Variants in VPS33A observed in about 807,000 individuals in gnomAD.
VPS33A encodes the protein vacuolar protein sorting-associated protein 33A.
In VPS33A, 32 loss-of-function variants were observed where a neutral mutation model predicts 71.8. The ratio of observed to expected loss-of-function variants is 0.45; its 90% CI spans 0.34 to 0.60. VPS33A has a LOEUF of 0.60. Ranked by LOEUF, VPS33A falls within the 20% of genes least tolerant of loss-of-function variation. VPS33A has a pLI of 0.02. For missense variants in VPS33A, 625 were observed against 748.5 expected (o/e 0.84, Z 1.92); for synonymous variants, 311 against 292.7 (o/e 1.06, Z -0.64).
intron 4 of VPS33A, among the ~76,000 whole-genome samples, chr12:122,260,805 T>C (rs1304210598): frequency 1.3e-5 from 2 of 151,810 alleles, no homozygotes; most frequent in East Asian, 3.9e-4. Flanking sequence ...TGAAACCTTG[T>C]CTCTACTAAA....
intron 9 of VPS33A, 59 bp from the exon 10 acceptor site, chr12:122,238,783 ACACAC>A: frequency 8.1e-7 from 1 of 1,241,966 alleles, no homozygotes; most frequent in Non-Finnish European, 1.1e-6. Flanking sequence ...ACACACACAC[ACACAC>A]ACACACACAC....
chr12:122,250,598 A>G (rs1421501400), intron 5 of VPS33A, among the ~76,000 whole-genome samples: 2 of 152,160 alleles, frequency 1.3e-5, no homozygotes, highest in Non-Finnish European at 2.9e-5. Context: ...ACCCGACTGC[A>G]CCTCAGTCCT....
intron 3 of VPS33A, among the ~76,000 whole-genome samples, chr12:122,262,351 G>A (rs1592933261): frequency 2.0e-5 from 3 of 152,198 alleles, no homozygotes; most frequent in Admixed American, 6.5e-5. Context: ...CAGGTTGATT[G>A]AAATAGGATA....
intron 6 of VPS33A, chr12:122,249,454 A>G (rs1443878721): frequency 6.5e-6 from 1 of 153,408 alleles, no homozygotes; most frequent in African/African-American, 2.4e-5. Context: ...TGAACACCTG[A>G]CCTCAAGTGA....
At chr12:122,239,781 G>GAAAAAAAAAAAAAAA (rs1954688931) in intron 9 of VPS33A, 97 bp downstream of exon 9, 2 of 379,932 alleles carry the variant, frequency 5.3e-6, no homozygotes, top group Non-Finnish European at 8.7e-6. Flanking sequence ...AAAAAAAAAG[G>GAAAAAAAAAAAAAAA]CAAGGCATGG....
chr12:122,238,974 A>C lies in VPS33A; in HGVS notation c.1165-250T>G, dbSNP rs117001326. Among the ~76,000 whole-genome samples, 6,572 of 138,544 alleles carry C rather than the reference A, an allele frequency of 0.047. 192 individuals are homozygous for C. Among genetic ancestry groups the C allele is most frequent in the Middle Eastern group, 0.13 (33 of 262 alleles). 90.9% of individuals were successfully genotyped at this position (138,544 alleles called of 152,430 possible). A position where few individuals can be genotyped will look rare whatever the true frequency, so the allele number is the denominator to read the frequency against. On this transcript the variant is annotated intron_variant, in intron 9 of 12. Coordinates refer to ENST00000267199, the MANE Select transcript of VPS33A (RefSeq NM_022916.6). ...CCCTGGCCACCACACACACACACAC[A>C]CCCCACACACACATACATACATACA...
At chr12:122,239,749 CAAAAAAAAAAA>C (rs5801475) in intron 9 of VPS33A, 118 bp downstream of exon 9, 91 of 197,782 alleles carry the variant, frequency 4.6e-4, no homozygotes, top group East Asian at 3.6e-3. Flanking sequence ...GACTCCGTCT[CAAAAAAAAAAA>C]AAAAAAAAAA....
intron 6 of VPS33A, 22 bp from the exon 7 acceptor site, chr12:122,244,784 T>C (rs377467685): frequency 2.8e-5 from 44 of 1,595,704 alleles, no homozygotes; most frequent in Admixed American, 1.2e-4. Flanking sequence ...TGGAAGGGAA[T>C]AAGCACCTGT....
At chr12:122,260,780 G>A (rs1463266009) in intron 4 of VPS33A, among the ~76,000 whole-genome samples, 4 of 152,112 alleles carry the variant, frequency 2.6e-5, no homozygotes, top group African/African-American at 9.6e-5. Flanking sequence ...AGCGGATCCT[G>A]GCCAAGCAAC....
At chr12:122,233,006 A>T (rs749184147) in intron 11 of VPS33A, 38 bp from the exon 12 acceptor site, 10 of 1,526,160 alleles carry the variant, frequency 6.6e-6, no homozygotes, top group Admixed American at 2.2e-5. Context: ...CTATAGATAC[A>T]GAGACTTAGA....
Position 122,236,038 on chromosome 12 carries a change from A to G in VPS33A, c.1303-115T>C, listed in dbSNP as rs1014521007. ...GTTTGTACTGCAGGACATGTTACCA[A>G]AGTCCAGCAATGTTAGTGGATGGGC... On this transcript the variant is annotated intron_variant, in intron 10 of 12. Transcript: ENST00000267199. 5.9e-5 allele frequency: 78 copies of G among 1,321,080 alleles called. No individual in the cohort carries two copies. In the African/African-American group the frequency reaches 1.2e-3, roughly 20 times the overall value. 81.8% of individuals were successfully genotyped at this position (1,321,080 alleles called of 1,614,324 possible).
In VPS33A at chr12:122,235,930, G is replaced by A; in HGVS notation, c.1303-7C>T. 6.3e-7 allele frequency: 1 copy of A among 1,596,452 alleles called. No homozygotes were observed. Reference sequence around the variant, plus strand: ...TGTGCTCATAGCCGTATGTCTGCAAGGGAAGTCATTTGGCCTTGATGTCAG... The same window carrying A: ...TGTGCTCATAGCCGTATGTCTGCAAAGGAAGTCATTTGGCCTTGATGTCAG... On this transcript the variant is annotated splice_polypyrimidine_tract_variant and splice_region_variant and intron_variant, in intron 10 of 12. Coordinates refer to ENST00000267199, the MANE Select transcript of VPS33A (RefSeq NM_022916.6).
At position 122,230,244 on chromosome 12, in the gene VPS33A, C is replaced by T. The variant is rs986818706; in HGVS notation, c.*2002G>A. ...TTAAAGAGATTTTTAAAAAAGTATA[C>T]AGAATTTCTCTTTCATTAATAATAT... On this transcript the variant is annotated 3_prime_UTR_variant, in exon 13 of 13. Coordinates refer to ENST00000267199, the MANE Select transcript of VPS33A (RefSeq NM_022916.6). 6.6e-6 allele frequency: 1 copy of T among 152,110 alleles called. No individual in the cohort carries two copies. Among genetic ancestry groups the T allele is most frequent in the African/African-American group, 2.4e-5 (1 of 41,426 alleles). The allele number at this position is 152,110 out of a possible 1,614,324, so 9.4% of individuals were successfully genotyped here. A position where few individuals can be genotyped will look rare whatever the true frequency, so the allele number is the denominator to read the frequency against.
intron 11 of VPS33A, among the ~76,000 whole-genome samples, chr12:122,234,827 C>T (rs1954608426): frequency 6.6e-6 from 1 of 152,114 alleles, no homozygotes; most frequent in Non-Finnish European, 1.5e-5. Flanking sequence ...TTGACCATAC[C>T]CTCAGCCAGA....
At chr12:122,257,518 A>G (rs933997242) in intron 4 of VPS33A, among the ~76,000 whole-genome samples, 1 of 143,830 alleles carries the variant, frequency 7.0e-6, no homozygotes, top group African/African-American at 2.6e-5. Context: ...CTAATACACA[A>G]AAAAATTAGC....
intron 2 of VPS33A, 80 bp downstream of exon 2, chr12:122,264,054 G>T: frequency 8.0e-7 from 1 of 1,249,264 alleles, no homozygotes; most frequent in Non-Finnish European, 1.1e-6. Flanking sequence ...CAATGATTCA[G>T]GAAGAAATAT....
chr12:122,263,169 T>G (rs911511594), intron 3 of VPS33A, among the ~76,000 whole-genome samples: 3 of 151,924 alleles, frequency 2.0e-5, no homozygotes, highest in Non-Finnish European at 4.4e-5. Context: ...ATTTTTGTAT[T>G]TTTAGTAGAG....
In VPS33A at chr12:122,266,440, A is replaced by T. The variant is rs776186508; in HGVS notation, c.-32T>A. The T allele has an allele frequency of 6.3e-7, 1 of 1,593,362 alleles. No individual in the cohort carries two copies. Among genetic ancestry groups the T allele is most frequent in the Admixed American group, 1.7e-5 (1 of 59,060 alleles). ...CCACCACCCCCTGCCCCACAACGCC[A>T]ACCGAGTCCGCCGGTTCCTACGGGA... On this transcript the variant is annotated 5_prime_UTR_variant, in exon 1 of 13. Coordinates refer to ENST00000267199, the MANE Select transcript of VPS33A (RefSeq NM_022916.6).
chr12:122,245,051 AGG>A (rs1429252995), intron 6 of VPS33A, among the ~76,000 whole-genome samples: 1 of 152,194 alleles, frequency 6.6e-6, no homozygotes, highest in East Asian at 1.9e-4. Flanking sequence ...AAAACTTTCA[AGG>A]ATCTCCCCAT....
Sources: gnomAD v4.1 joint callset for allele counts (sites outside exome capture counted in the v4.1 genomes callset) on GRCh38, gnomAD v4.1.1 for gene constraint, MANE v1.5 for transcripts, NCBI Gene and HGNC (gene_info 2026-07-23, HGNC 2026-07-21) for gene names.